COG3: variants seen among roughly 807,000 people sequenced by gnomAD.
COG3 encodes component of oligomeric golgi complex 3.
Under a neutral mutation model 114.1 loss-of-function variants are expected in COG3, and 32 were observed. That is an observed-to-expected ratio of 0.28 (90% CI 0.21 to 0.38). The LOEUF (loss-of-function observed/expected upper bound fraction) is 0.38. Among genes scored for constraint, COG3 ranks in the 10% least tolerant of loss-of-function variants. COG3 has a pLI of 1.00. For missense variants in COG3, 813 were observed against 973.2 expected (o/e 0.84, Z 2.19); for synonymous variants, 352 against 365.7 (o/e 0.96, Z 0.43).
At chr13:45,534,567 C>T (rs1873427629) in intron 22 of COG3, 135 bp from the exon 23 acceptor site, 3 of 484,278 alleles carry the variant, frequency 6.2e-6, no homozygotes, top group Non-Finnish European at 7.4e-6. Flanking sequence ...GGGGTACATA[C>T]ATGCAGGTTT....
intron 14 of COG3, among the ~76,000 whole-genome samples, chr13:45,507,296 ATTTG>A (rs1296333102): frequency 6.6e-6 from 1 of 152,196 alleles, no homozygotes; most frequent in African/African-American, 2.4e-5. Context: ...CTTTGATGTA[ATTTG>A]TTTATTCTTT....
At chr13:45,495,338 C>T (rs918850989) in intron 12 of COG3, among the ~76,000 whole-genome samples, 15 of 151,814 alleles carry the variant, frequency 9.9e-5, no homozygotes, top group African/African-American at 3.6e-4. Context: ...AAAGCTGTTA[C>T]AGGATTACTA....
chr13:45,473,218 A>C (rs568996114), intron 1 of COG3, among the ~76,000 whole-genome samples: 58 of 152,260 alleles, frequency 3.8e-4, no homozygotes, highest in African/African-American at 1.3e-3. Flanking sequence ...GATTTGCCAC[A>C]GGTGAGCCAG....
In COG3 at chr13:45,536,489, C is replaced by A. The variant is rs1357288322; in HGVS notation, c.*1758C>A. On this transcript the variant is annotated 3_prime_UTR_variant, in exon 23 of 23. Coordinates refer to ENST00000349995, the MANE Select transcript of COG3 (RefSeq NM_031431.4). Reference sequence around the variant, plus strand: ...TTGCTAAATGATTATTTGTTTAAATCTGTACAGTTTTAAGTGTTCACTTAT... The same window carrying A: ...TTGCTAAATGATTATTTGTTTAAATATGTACAGTTTTAAGTGTTCACTTAT... 1.3e-5 allele frequency: 2 copies of A among 152,172 alleles called. No individual in the cohort carries two copies. Among genetic ancestry groups the A allele is most frequent in the Non-Finnish European group, 2.9e-5 (2 of 68,042 alleles). 9.4% of individuals were successfully genotyped at this position (152,172 alleles called of 1,614,324 possible). A position where few individuals can be genotyped will look rare whatever the true frequency, so the allele number is the denominator to read the frequency against.
At position 45,505,403 on chromosome 13, in the gene COG3, G is replaced by A. The variant is rs534919195; in HGVS notation, c.1594+2054G>A. Among the ~76,000 whole-genome samples, 82 of 150,122 alleles carry A rather than the reference G, an allele frequency of 5.5e-4. 2 individuals carry two copies. In the East Asian group the frequency reaches 0.014, roughly 26 times the overall value. Reference sequence around the variant, plus strand: ...TGCAACCTCCGCCTCCCGGGTTCAAGCAATTCTCCTGCCTCAGCCTCCTGA... The same window carrying A: ...TGCAACCTCCGCCTCCCGGGTTCAAACAATTCTCCTGCCTCAGCCTCCTGA... On this transcript the variant is annotated intron_variant, in intron 14 of 22. Coordinates refer to ENST00000349995, the MANE Select transcript of COG3 (RefSeq NM_031431.4).
chr13:45,508,169 A>G (rs1487229159), intron 14 of COG3, among the ~76,000 whole-genome samples: 2 of 148,990 alleles, frequency 1.3e-5, no homozygotes, highest in African/African-American at 2.5e-5. Context: ...TATACAACCT[A>G]CAGGCCTTCT....
intron 13 of COG3, among the ~76,000 whole-genome samples, chr13:45,496,675 G>C (rs1367169517): frequency 6.6e-6 from 1 of 151,378 alleles, no homozygotes; most frequent in Non-Finnish European, 1.5e-5. Context: ...ATGTTTTTTT[G>C]TTTTTTTTGT....
intron 14 of COG3, among the ~76,000 whole-genome samples, chr13:45,506,467 A>G (rs1870162185): frequency 6.6e-6 from 1 of 152,228 alleles, no homozygotes; most frequent in Non-Finnish European, 1.5e-5. Context: ...ATAAAGTGGC[A>G]TGCTAAGTTT....
chr13:45,493,235 C>A, intron 11 of COG3, 112 bp from the exon 12 acceptor site: 1 of 777,704 alleles, frequency 1.3e-6, no homozygotes, highest in Non-Finnish European at 2.1e-6. Flanking sequence ...TACTATTTTC[C>A]AGTAGATACT....
intron 20 of COG3, among the ~76,000 whole-genome samples, chr13:45,528,014 T>TTAACGAAACAGATTAG (rs1872838140): frequency 1.3e-5 from 2 of 152,116 alleles, no homozygotes; most frequent in African/African-American, 4.8e-5. Context: ...ATGTTTACAT[T>TTAACGAAACAGATTAG]TAATGAAACA....
intron 13 of COG3, among the ~76,000 whole-genome samples, chr13:45,496,999 C>G (rs954742236): frequency 6.6e-6 from 1 of 152,226 alleles, no homozygotes; most frequent in African/African-American, 2.4e-5. Flanking sequence ...TATAAACATT[C>G]TATTCCATTC....
Position 45,509,756 on chromosome 13 carries a change from G to A in COG3, c.1659G>A (p.Met553Ile). ...TTTCTCCAGCAGATCTTCATGGAAT[G>A]TGGTATCCTACGGTTCGAAGAACTC... ...TTISPADLHG[M>I]WYPTVRRTLV... Residue 553 changes from methionine to isoleucine, a missense_variant, in exon 15 of 23, where the codon ATG becomes ATA. Coordinates refer to ENST00000349995, the MANE Select transcript of COG3 (RefSeq NM_031431.4). The A allele has an allele frequency of 6.2e-7, 1 of 1,614,042 alleles. No individual in the cohort carries two copies. The highest frequency in any genetic ancestry group is 1.3e-5 in the African/African-American group (1 of 75,066).
chr13:45,505,656 G>A lies in COG3; in HGVS notation c.1594+2307G>A, dbSNP rs375527014. Among the ~76,000 whole-genome samples the A allele has an allele frequency of 1.5e-3, 229 of 150,396 alleles. 1 individual carries two copies. Among genetic ancestry groups the A allele is most frequent in the African/African-American group, 5.3e-3 (217 of 40,932 alleles). ...TTTTCTTTCAAAGAGATGAGGTCTCGCTGTGTTGCCCAGGCTGGTTTCGAA... is the reference window on the plus strand; with the variant it reads ...TTTTCTTTCAAAGAGATGAGGTCTCACTGTGTTGCCCAGGCTGGTTTCGAA... On this transcript the variant is annotated intron_variant, in intron 14 of 22. Coordinates refer to ENST00000349995, the MANE Select transcript of COG3 (RefSeq NM_031431.4).
chr13:45,516,311 A>G (rs1438411743), intron 17 of COG3, 48 bp downstream of exon 17: 4 of 1,427,176 alleles, frequency 2.8e-6, no homozygotes, highest in Non-Finnish European at 3.7e-6. Flanking sequence ...TGATCTGTCC[A>G]GATGTGTCAG....
intron 1 of COG3, chr13:45,465,901 T>A (rs919109817): frequency 3.9e-5 from 6 of 152,280 alleles, no homozygotes; most frequent in African/African-American, 1.4e-4. Context: ...TATTATGCAC[T>A]ACTGCTTCTT....
intron 1 of COG3, among the ~76,000 whole-genome samples, chr13:45,471,372 T>A (rs1328573637): frequency 6.6e-6 from 1 of 152,164 alleles, no homozygotes; most frequent in Non-Finnish European, 1.5e-5. Context: ...TGAGCTGTGA[T>A]TGCACCATGG....
intron 12 of COG3, among the ~76,000 whole-genome samples, chr13:45,495,582 C>G (rs1394031645): frequency 6.6e-6 from 1 of 151,712 alleles, no homozygotes; most frequent in Non-Finnish European, 1.5e-5. Context: ...TGCCATGTTG[C>G]TCAGGTTGGC....
chr13:45,508,316 AGATGAAT>A (rs1382709680), intron 14 of COG3, among the ~76,000 whole-genome samples: 5 of 149,396 alleles, frequency 3.3e-5, no homozygotes, highest in Non-Finnish European at 7.4e-5. Flanking sequence ...GTTGAAAGAA[AGATGAAT>A]GATGAACACC....
chr13:45,534,706 G>A lies in COG3; in HGVS notation c.2462G>A (p.Ser821Asn). ...GCTCTTAATTTTGCTTTTCAGCTGA[G>A]CCTTCTGCTGTTGGTTTCTAAATAA... ...IIACPSMEQL[S>N]LLLLVSK The change falls in exon 23 of 23, where the codon AGC becomes AAC. Residue 821 changes from serine to asparagine, a missense_variant. Physicochemically the swap from Ser to Asn is conservative, Grantham distance 46 (BLOSUM62 1). Around this residue, in one of 2 missense-constraint regions of COG3, gnomAD observed 389 missense variants for 542.6 expected, o/e 0.72. Coordinates refer to ENST00000349995, the MANE Select transcript of COG3 (RefSeq NM_031431.4). 6.4e-7 allele frequency: 1 copy of A among 1,565,594 alleles called. No individual in the cohort carries two copies. Among genetic ancestry groups the A allele is most frequent in the Non-Finnish European group, 8.7e-7 (1 of 1,154,366 alleles).
Sources: allele counts gnomAD v4.1 joint callset (sites outside exome capture counted in the v4.1 genomes callset), GRCh38; gene constraint gnomAD v4.1.1; regional missense constraint gnomAD v4.1.1; transcripts MANE v1.5; gene names NCBI Gene and HGNC (gene_info 2026-07-23, HGNC 2026-07-21).